Variants in AKAIN1 observed in about 807,000 individuals in gnomAD.
AKAIN1 encodes the protein A-kinase anchor protein inhibitor 1.
AKAIN1 carries 3 observed loss-of-function variants against 3.7 expected under a neutral mutation model. The ratio of observed to expected loss-of-function variants is 0.82; its 90% CI spans 0.37 to 2.12. The LOEUF is 2.12. Among genes scored for constraint, AKAIN1 ranks in the 30% most tolerant of loss-of-function variants. The pLI is 0.06. For missense variants in AKAIN1, 82 were observed against 82.7 expected (o/e 0.99, Z 0.03); for synonymous variants, 31 against 30.8 (o/e 1.01, Z -0.02).
At chr18:5,193,629 C>A (rs988869007) in intron 1 of AKAIN1, among the ~76,000 whole-genome samples, 3 of 152,142 alleles carry the variant, frequency 2.0e-5, no homozygotes, top group South Asian at 2.1e-4. Flanking sequence ...TGGAATTAGG[C>A]CAAGAAATAT....
At chr18:5,155,262 T>C (rs1192784517) in intron 1 of AKAIN1, among the ~76,000 whole-genome samples, 1 of 152,188 alleles carries the variant, frequency 6.6e-6, no homozygotes, top group East Asian at 1.9e-4. Context: ...GTGAGGGTTT[T>C]GCATCCTGTG....
rs892248055 is a variant in AKAIN1, at chr18:5,190,201, A to G, written c.16+6837T>C. Among the ~76,000 whole-genome samples, 13 of 152,208 alleles carry G rather than the reference A, an allele frequency of 8.5e-5. 1 individual carries two copies. The highest frequency in any genetic ancestry group is 6.5e-5 in the Admixed American group (1 of 15,282). On this transcript the variant is annotated intron_variant, in intron 1 of 1. Transcript: ENST00000434239. ...TTGCAATAGTGGTATTAATCCACTTATGAGGGGAGAATCCTCATGACCTAA... is the reference window on the plus strand; with the variant it reads ...TTGCAATAGTGGTATTAATCCACTTGTGAGGGGAGAATCCTCATGACCTAA...
chr18:5,191,100 T>G (rs921971430), intron 1 of AKAIN1, among the ~76,000 whole-genome samples: 1 of 152,184 alleles, frequency 6.6e-6, no homozygotes, highest in Non-Finnish European at 1.5e-5. Context: ...AAAGACTGAA[T>G]GCTTTCCCCT....
chr18:5,158,115 G>A (rs1364169848), intron 1 of AKAIN1, among the ~76,000 whole-genome samples: 1 of 152,184 alleles, frequency 6.6e-6, no homozygotes, highest in Admixed American at 6.5e-5. Flanking sequence ...CTGCTCTCAA[G>A]GGGATGACTC....
Position 5,145,431 on chromosome 18 carries a change from A to G in AKAIN1, c.*131T>C. 1.5e-6 allele frequency: 1 copy of G among 674,424 alleles called. No individual in the cohort carries two copies. The highest frequency in any genetic ancestry group is 2.5e-6 in the Non-Finnish European group (1 of 393,332). The allele number at this position is 674,424 out of a possible 1,614,324, so 41.8% of individuals were successfully genotyped here. On this transcript the variant is annotated 3_prime_UTR_variant, in exon 2 of 2. Coordinates refer to ENST00000434239, the MANE Select transcript of AKAIN1 (RefSeq NM_001145194.2). ...AAACAGTGCTTCTCAGCCAGGGGCT[A>G]GTGTGAATTCATTCTACAGCTAGGT...
chr18:5,187,222 A>T (rs1026087794), intron 1 of AKAIN1, among the ~76,000 whole-genome samples: 5 of 152,140 alleles, frequency 3.3e-5, no homozygotes, highest in Non-Finnish European at 5.9e-5. Context: ...AAAAACAATA[A>T]AGAAATCAAT....
At chr18:5,145,856 G>A (rs1334295409) in intron 1 of AKAIN1, 101 bp from the exon 2 acceptor site, 5 of 984,536 alleles carry the variant, frequency 5.1e-6, no homozygotes, top group Non-Finnish European at 7.6e-6. Flanking sequence ...GAGTGAGACT[G>A]TAAGAACACA....
chr18:5,187,336 G>T (rs1212185895), intron 1 of AKAIN1, among the ~76,000 whole-genome samples: 1 of 152,162 alleles, frequency 6.6e-6, no homozygotes. Flanking sequence ...TATCCAGAAT[G>T]AAAGGGAAAT....
At position 5,197,221 on chromosome 18, in the gene AKAIN1, C is replaced by G; in HGVS notation, c.-168G>C. 1 of 1,389,034 alleles carries G rather than the reference C, an allele frequency of 7.2e-7. No individual in the cohort carries two copies. The allele number at this position is 1,389,034 out of a possible 1,614,324, so 86.0% of individuals were successfully genotyped here. The stretch of plus-strand genomic sequence containing the variant: ...CTCCCGCCGCTAGATCCTGGGGCCG[C>G]AGCTCCAGCCGCCGCCGCGCGCTCT... On this transcript the variant is annotated 5_prime_UTR_variant, in exon 1 of 2. Transcript: ENST00000434239. This position sits in a 1 kb window ranked among gnomAD's most constrained non-coding sequence, Gnocchi z 6.9.
chr18:5,194,814 G>C (rs1421590927), intron 1 of AKAIN1, among the ~76,000 whole-genome samples: 1 of 152,166 alleles, frequency 6.6e-6, no homozygotes, highest in Non-Finnish European at 1.5e-5. Context: ...ACATGACCCT[G>C]TTTCTTCCCT....
intron 1 of AKAIN1, among the ~76,000 whole-genome samples, chr18:5,152,199 A>G (rs2071084088): frequency 6.6e-6 from 1 of 152,256 alleles, no homozygotes; most frequent in Non-Finnish European, 1.5e-5. Context: ...GTCACTCAAC[A>G]CTAGATACTG....
chr18:5,164,660 G>A (rs1005191725), intron 1 of AKAIN1, among the ~76,000 whole-genome samples: 1 of 152,002 alleles, frequency 6.6e-6, no homozygotes, highest in African/African-American at 2.4e-5. Context: ...ATGGTCATGG[G>A]AGAAGGGATG....
intron 1 of AKAIN1, among the ~76,000 whole-genome samples, chr18:5,181,137 T>G (rs1199365962): frequency 6.1e-5 from 9 of 148,084 alleles, no homozygotes; most frequent in Non-Finnish European, 1.3e-4. Flanking sequence ...AAAAAAAAAG[T>G]AAAATTTAGC....
chr18:5,150,562 T>C (rs958683494), intron 1 of AKAIN1, among the ~76,000 whole-genome samples: 2 of 152,228 alleles, frequency 1.3e-5, no homozygotes, highest in African/African-American at 4.8e-5. Flanking sequence ...TTGTCTTCAG[T>C]GTCTTTCCAC....
At chr18:5,148,299 T>G (rs2071060662) in intron 1 of AKAIN1, among the ~76,000 whole-genome samples, 1 of 152,226 alleles carries the variant, frequency 6.6e-6, no homozygotes, top group Admixed American at 6.5e-5. Context: ...CTAACTTCCT[T>G]ACATCTTACT....
At chr18:5,177,150 C>T (rs1351963988) in intron 1 of AKAIN1, among the ~76,000 whole-genome samples, 3 of 151,944 alleles carry the variant, frequency 2.0e-5, no homozygotes, top group Non-Finnish European at 2.9e-5. Context: ...GCAAAGTGAG[C>T]CTTCAATTAA....
At chr18:5,178,546 C>T (rs898121895) in intron 1 of AKAIN1, among the ~76,000 whole-genome samples, 1 of 152,076 alleles carries the variant, frequency 6.6e-6, no homozygotes. Flanking sequence ...AATGGGAAAA[C>T]TATGAGATAA....
rs532698616 is a variant in AKAIN1, at chr18:5,171,106, A to ACAG, written c.17-25354_17-25352dup. Reference sequence around the variant, plus strand: ...AAGAATGGGGTCATGTTGTTAAGCCACAGCATTTTGTGGTGGGTTGCTATA... The same window carrying ACAG: ...AAGAATGGGGTCATGTTGTTAAGCCACAGCAGCATTTTGTGGTGGGTTGCTATA... On this transcript the variant is annotated intron_variant, in intron 1 of 1. Coordinates refer to ENST00000434239, the MANE Select transcript of AKAIN1 (RefSeq NM_001145194.2). 2.6e-5 allele frequency: 4 copies of ACAG among 152,260 alleles called. No individual in the cohort carries two copies. The South Asian group carries it at 8.3e-4, about 32-fold the overall frequency. The allele number at this position is 152,260 out of a possible 1,614,324, so 9.4% of individuals were successfully genotyped here.
intron 1 of AKAIN1, among the ~76,000 whole-genome samples, chr18:5,168,781 G>C (rs2071180887): frequency 1.3e-5 from 2 of 151,128 alleles, no homozygotes. Flanking sequence ...ACCCAACAGT[G>C]GTCATAATAT....
Sources: gnomAD v4.1 joint callset for allele counts (sites outside exome capture counted in the v4.1 genomes callset) on GRCh38, gnomAD v4.1.1 for gene constraint, Gnocchi (gnomAD v3.1) non-coding constraint, MANE v1.5 for transcripts, NCBI Gene and HGNC (gene_info 2026-07-23, HGNC 2026-07-21) for gene names.